The following SAMTOR variants were observed in gnomAD, a reference collection of about 807,000 sequenced individuals.
The protein encoded by SAMTOR is S-adenosylmethionine sensor upstream of mTORC1.
At chr7:112,936,050 T>A in the SAMTOR span, among the ~76,000 whole-genome samples, 1 of 152,242 alleles carries the variant, frequency 6.6e-6, no homozygotes, top group Non-Finnish European at 1.5e-5. Context: ...CTCTTATACA[T>A]TTAAAATATT....
the SAMTOR span, among the ~76,000 whole-genome samples, chr7:112,838,862 A>G: frequency 1.7e-4 from 26 of 151,990 alleles, no homozygotes; most frequent in East Asian, 5.0e-3. Flanking sequence ...AATAGCAAAT[A>G]AACTAAAGTT....
chr7:112,889,858 G>C, the SAMTOR span, among the ~76,000 whole-genome samples: 1 of 152,124 alleles, frequency 6.6e-6, no homozygotes, highest in Admixed American at 6.5e-5. Flanking sequence ...GACAGGACTC[G>C]TTAAAAAATA....
the SAMTOR span, among the ~76,000 whole-genome samples, chr7:112,888,715 C>T: frequency 2.6e-5 from 4 of 152,008 alleles, no homozygotes; most frequent in Non-Finnish European, 5.9e-5. Flanking sequence ...GGAGATAAGC[C>T]TTAGAAAAAG....
the SAMTOR span, among the ~76,000 whole-genome samples, chr7:112,921,228 G>T: frequency 1.1e-4 from 17 of 152,134 alleles, no homozygotes; most frequent in Non-Finnish European, 2.2e-4. Context: ...AAAACAGCAT[G>T]GTAATGGTAC....
At chr7:112,938,947 T>C in the SAMTOR span, among the ~76,000 whole-genome samples, 11,485 of 152,130 alleles carry the variant, frequency 0.075, 953 homozygotes, top group African/African-American at 0.2. Context: ...CTCTTCCTCA[T>C]CGCCTAAATA....
chr7:112,905,159 G>A, the SAMTOR span, among the ~76,000 whole-genome samples: 1 of 152,134 alleles, frequency 6.6e-6, no homozygotes, highest in Non-Finnish European at 1.5e-5. Context: ...ACTCTGCCCT[G>A]CCTTGGCTTT....
At chr7:112,877,085 A>G in the SAMTOR span, among the ~76,000 whole-genome samples, 1 of 152,144 alleles carries the variant, frequency 6.6e-6, no homozygotes, top group Non-Finnish European at 1.5e-5. Flanking sequence ...AGAGGGTGCA[A>G]AAGAGGAAGA....
the SAMTOR span, among the ~76,000 whole-genome samples, chr7:112,882,771 A>T: frequency 1.3e-5 from 2 of 151,038 alleles, no homozygotes; most frequent in Non-Finnish European, 3.0e-5. Flanking sequence ...TTTTTTAAAA[A>T]AAAAAAAAAA....
the SAMTOR span, among the ~76,000 whole-genome samples, chr7:112,923,636 G>C: frequency 9.9e-5 from 15 of 152,108 alleles, no homozygotes; most frequent in Non-Finnish European, 1.8e-4. Flanking sequence ...TCAGTGTGGT[G>C]ATTCCTCAGG....
At chr7:112,828,926 T>C in the SAMTOR span, among the ~76,000 whole-genome samples, 2 of 152,204 alleles carry the variant, frequency 1.3e-5, no homozygotes, top group East Asian at 3.8e-4. Flanking sequence ...TTACAATTTC[T>C]GGGAGCTTTT....
At chr7:112,868,398 G>T in the SAMTOR span, among the ~76,000 whole-genome samples, 6 of 152,328 alleles carry the variant, frequency 3.9e-5, no homozygotes, top group African/African-American at 1.4e-4. Context: ...CCTCGTGAAG[G>T]TGTTTGGCTG....
the SAMTOR span, among the ~76,000 whole-genome samples, chr7:112,903,939 G>A: frequency 6.6e-6 from 1 of 151,746 alleles, no homozygotes; most frequent in Non-Finnish European, 1.5e-5. Context: ...GAAGAAGTAG[G>A]GAATAAAAAG....
chr7:112,863,799 A>C, the SAMTOR span, among the ~76,000 whole-genome samples: 1 of 152,348 alleles, frequency 6.6e-6, no homozygotes, highest in East Asian at 1.9e-4. Context: ...AGGAATGCTT[A>C]CACACTCCTG....
At chr7:112,932,327 A>G in the SAMTOR span, among the ~76,000 whole-genome samples, 4 of 152,208 alleles carry the variant, frequency 2.6e-5, no homozygotes, top group African/African-American at 4.8e-5. Context: ...GTGTAAGGAT[A>G]TATTTACCAT....
chr7:112,822,425 T>A, the SAMTOR span: 1 of 1,437,918 alleles, frequency 7.0e-7, no homozygotes, highest in Non-Finnish European at 9.4e-7. Context: ...TATTTCCACT[T>A]TAGTACATAG....
At chr7:112,888,869 T>C in the SAMTOR span, among the ~76,000 whole-genome samples, 1 of 152,134 alleles carries the variant, frequency 6.6e-6, no homozygotes, top group African/African-American at 2.4e-5. Flanking sequence ...TTAAAAGTGG[T>C]ATGTGAGGTA....
chr7:112,883,112 C>A, the SAMTOR span, among the ~76,000 whole-genome samples: 1 of 152,122 alleles, frequency 6.6e-6, no homozygotes, highest in African/African-American at 2.4e-5. Context: ...TATCTTAAGG[C>A]AGAATGGAGA....
chr7:112,861,392 A>C, the SAMTOR span, among the ~76,000 whole-genome samples: 1 of 152,172 alleles, frequency 6.6e-6, no homozygotes, highest in Non-Finnish European at 1.5e-5. Context: ...CTGTAGTCCC[A>C]GTTACTTGAG....
chr7:112,872,583 C>G, the SAMTOR span, among the ~76,000 whole-genome samples: 2 of 152,012 alleles, frequency 1.3e-5, no homozygotes, highest in Admixed American at 1.3e-4. Flanking sequence ...ACTCTCATCA[C>G]TCCTATTCAA....
Sources: gnomAD v4.1 joint callset for allele counts (sites outside exome capture counted in the v4.1 genomes callset) on GRCh38, gnomAD v4.1.1 for gene constraint, MANE v1.5 for transcripts, NCBI Gene and HGNC (gene_info 2026-07-23, HGNC 2026-07-21) for gene names.